The following PCDHGA6 variants were observed in gnomAD, a reference collection of about 807,000 sequenced individuals.
PCDHGA6 encodes protocadherin gamma-A6.
Under a neutral mutation model 60.6 loss-of-function variants are expected in PCDHGA6, and 41 were observed. The observed-to-expected ratio is 0.68, with a 90% CI of 0.53 to 0.88. The LOEUF (loss-of-function observed/expected upper bound fraction) is 0.88. Among genes scored for constraint, PCDHGA6 ranks in the 40% least tolerant of loss-of-function variants. PCDHGA6 has a pLI of 0.00. For missense variants in PCDHGA6, 1,312 were observed against 1,203.0 expected, an observed-to-expected ratio of 1.09 and a Z score of -1.34; for synonymous variants, 594 against 524.4, an observed-to-expected ratio of 1.13 and a Z score of -1.81.
chr5:141,468,853 G>A (rs893773356), intron 1 of PCDHGA6, among the ~76,000 whole-genome samples: 7 of 151,000 alleles, frequency 4.6e-5, no homozygotes, highest in Admixed American at 6.6e-5. Context: ...GCAACAGAGC[G>A]AGACTCCATC....
At chr5:141,419,547 T>C (rs2096397603) in intron 1 of PCDHGA6, 6 of 1,612,070 alleles carry the variant, frequency 3.7e-6, no homozygotes, top group Non-Finnish European at 5.1e-6. Context: ...CCGCGGGTGC[T>C]GTACCCTGCG....
chr5:141,448,421 A>G (rs1380029405), intron 1 of PCDHGA6, among the ~76,000 whole-genome samples: 1 of 152,132 alleles, frequency 6.6e-6, no homozygotes, highest in Non-Finnish European at 1.5e-5. Flanking sequence ...ACAATATACT[A>G]TGTATATATT....
At chr5:141,427,120 TC>T (rs1212765591) in intron 1 of PCDHGA6, 1 of 457,342 alleles carries the variant, frequency 2.2e-6, no homozygotes, top group African/African-American at 2.0e-5. Context: ...ACCTACTCTT[TC>T]AAATCCCTAC....
chr5:141,491,368 A>G lies in PCDHGA6; in HGVS notation c.2425-3439A>G. ...CAGTCTCTTATCCCTAGTCACCTTC[A>G]CCTTTCTGTCAGCGAAGTGCCTTCA... On this transcript the variant is annotated intron_variant, in intron 1 of 3. Transcript: ENST00000517434. This position sits in a 1 kb window ranked among gnomAD's most constrained non-coding sequence, Gnocchi z 6.9. 6.2e-7 allele frequency: 1 copy of G among 1,613,842 alleles called. No homozygotes were observed. The highest frequency in any genetic ancestry group is 8.5e-7 in the Non-Finnish European group (1 of 1,179,940).
chr5:141,455,006 G>A (rs1194194759), intron 1 of PCDHGA6, among the ~76,000 whole-genome samples: 2 of 150,910 alleles, frequency 1.3e-5, no homozygotes, highest in Non-Finnish European at 3.0e-5. Flanking sequence ...TAGAGACGGG[G>A]TTTCACCGTG....
intron 1 of PCDHGA6, among the ~76,000 whole-genome samples, chr5:141,437,919 G>A (rs2097917914): frequency 1.3e-5 from 2 of 152,078 alleles, no homozygotes; most frequent in Admixed American, 1.3e-4. Context: ...TGTATTTTTA[G>A]TAGAGATGGG....
chr5:141,394,807 C>G (rs943252788), intron 1 of PCDHGA6: 3 of 1,613,886 alleles, frequency 1.9e-6, no homozygotes, highest in African/African-American at 2.7e-5. Context: ...GTAGCCGTGG[C>G]TGACAGCATC....
chr5:141,385,518 A>G, intron 1 of PCDHGA6: 20 of 1,366,294 alleles, frequency 1.5e-5, no homozygotes, highest in East Asian at 5.4e-5. Context: ...GTGAAAGCCT[A>G]TGGACAAGAT....
At chr5:141,384,265 T>G in intron 1 of PCDHGA6, 1 of 1,613,814 alleles carries the variant, frequency 6.2e-7, no homozygotes, top group Non-Finnish European at 8.5e-7. Context: ...CCCCCACTCA[T>G]CCTACTCAGT....
intron 1 of PCDHGA6, chr5:141,430,809 G>T (rs949727881): frequency 2.0e-6 from 3 of 1,526,896 alleles, no homozygotes; most frequent in Non-Finnish European, 2.6e-6. Flanking sequence ...GTCCTGCTGG[G>T]AATCCTCCTG....
At position 141,432,730 on chromosome 5, in the gene PCDHGA6, T is replaced by A; in HGVS notation, c.2424+56223T>A. 6.2e-7 allele frequency: 1 copy of A among 1,614,052 alleles called. No homozygotes were observed. Among genetic ancestry groups the A allele is most frequent in the Non-Finnish European group, 8.5e-7 (1 of 1,179,976 alleles). Reference sequence around the variant, plus strand: ...ACGGCCAGCCCCCTCTCTCCGCCACTGTCACGCTCACCGTGGCCGTGGCCG... The same window carrying A: ...ACGGCCAGCCCCCTCTCTCCGCCACAGTCACGCTCACCGTGGCCGTGGCCG... On this transcript the variant is annotated intron_variant, in intron 1 of 3. Transcript: ENST00000517434. The surrounding 1 kb of genome is among the most constrained non-coding windows in gnomAD (Gnocchi z 6.0).
intron 2 of PCDHGA6, among the ~76,000 whole-genome samples, chr5:141,496,856 G>A (rs1324235700): frequency 6.7e-6 from 1 of 150,206 alleles, no homozygotes; most frequent in African/African-American, 2.5e-5. Context: ...CAGACCAGCA[G>A]AGGAGACTGA....
chr5:141,385,633 G>A (rs2090306772), intron 1 of PCDHGA6: 9 of 905,286 alleles, frequency 9.9e-6, no homozygotes, highest in Non-Finnish European at 1.3e-5. Flanking sequence ...AATGAATCGA[G>A]TCTTTCATAT....
chr5:141,425,490 G>T (rs2096878933), intron 1 of PCDHGA6, among the ~76,000 whole-genome samples: 1 of 152,122 alleles, frequency 6.6e-6, no homozygotes, highest in Non-Finnish European at 1.5e-5. Context: ...AACCTACTAG[G>T]CTATACCTTT....
intron 1 of PCDHGA6, among the ~76,000 whole-genome samples, chr5:141,387,076 G>T (rs531327789): frequency 2.8e-4 from 42 of 152,310 alleles, no homozygotes; most frequent in African/African-American, 9.4e-4. Flanking sequence ...GTAGGCTACT[G>T]CCTGTGATCA....
intron 3 of PCDHGA6, 110 bp downstream of exon 3, chr5:141,505,591 G>A (rs2099846959): frequency 6.4e-7 from 1 of 1,570,162 alleles, no homozygotes; most frequent in Non-Finnish European, 8.7e-7. Context: ...AGTTTCTCCA[G>A]ATCTTTCGGC....
In PCDHGA6 at chr5:141,486,036, G is replaced by A. The variant is rs773301300; in HGVS notation, c.2425-8771G>A. ...TATTTCAGTGGTCATACCCCTGATC[G>A]TGTAAGAAACCTCTTTAGCCTGCAC... On this transcript the variant is annotated intron_variant, in intron 1 of 3. Transcript: ENST00000517434. This position sits in a 1 kb window ranked among gnomAD's most constrained non-coding sequence, Gnocchi z 5.0. 2.5e-6 allele frequency: 4 copies of A among 1,614,048 alleles called. No individual in the cohort carries two copies. Among genetic ancestry groups the A allele is most frequent in the Admixed American group, 1.7e-5 (1 of 60,004 alleles).
At chr5:141,502,274 A>G (rs573517581) in intron 2 of PCDHGA6, among the ~76,000 whole-genome samples, 18 of 152,128 alleles carry the variant, frequency 1.2e-4, no homozygotes, top group African/African-American at 4.1e-4. Context: ...ATCAAGGAGC[A>G]TAGATTGCAT....
Position 141,510,960 on chromosome 5 carries a change from G to T in PCDHGA6, c.2586G>T (p.Gly862=). The T allele has an allele frequency of 6.2e-7, 1 of 1,614,120 alleles. No individual in the cohort carries two copies. The highest frequency in any genetic ancestry group is 1.3e-5 in the African/African-American group (1 of 75,022). ...ILASASEAAD[G]SSTLGGGAGT... is the part of the protein sequence containing the mutation. ...CTGTCTCTGCAGAAGCTGCTGATGG[G>T]AGCTCCACCCTGGGAGGGGGTGCCG... Residue 862 remains glycine, a synonymous_variant, in exon 4 of 4, where the codon GGG becomes GGT. Transcript: ENST00000517434.
Sources: allele counts gnomAD v4.1 joint callset (sites outside exome capture counted in the v4.1 genomes callset), GRCh38; gene constraint gnomAD v4.1.1; non-coding constraint Gnocchi (gnomAD v3.1); transcripts MANE v1.5; gene names NCBI Gene and HGNC (gene_info 2026-07-23, HGNC 2026-07-21).